SUGCT: variants seen among roughly 807,000 people sequenced by gnomAD.
The protein encoded by SUGCT is succinyl-CoA:glutarate CoA-transferase.
Under a neutral mutation model 55.0 loss-of-function variants are expected in SUGCT, and 41 were observed. The ratio of observed to expected loss-of-function variants is 0.74; its 90% CI spans 0.58 to 0.97. The LOEUF is 0.97. Ranked by LOEUF, SUGCT falls within the 50% of genes least tolerant of loss-of-function variation. The probability of loss-of-function intolerance (pLI) is 0.00; values close to 1 mark genes in which losing one functional copy is unlikely to be tolerated. For synonymous variants in SUGCT, 187 were observed against 200.4 expected (o/e 0.93, Z 0.56); for missense variants, 568 against 547.8 (o/e 1.04, Z -0.37).
chr7:40,805,942 CAGTG>C (rs1242833136), intron 13 of SUGCT, among the ~76,000 whole-genome samples: 5 of 152,144 alleles, frequency 3.3e-5, no homozygotes, highest in Non-Finnish European at 7.3e-5. Context: ...GAATATGAAA[CAGTG>C]AGGAGGAAAG....
chr7:40,660,800 C>T (rs1052024510), intron 12 of SUGCT, among the ~76,000 whole-genome samples: 1 of 152,208 alleles, frequency 6.6e-6, no homozygotes, highest in African/African-American at 2.4e-5. Context: ...TTCTGCCTTT[C>T]CAAGAACTCT....
chr7:40,843,278 G>A (rs1045932077), intron 13 of SUGCT, among the ~76,000 whole-genome samples: 2 of 152,076 alleles, frequency 1.3e-5, no homozygotes, highest in Admixed American at 1.3e-4. Flanking sequence ...TTGGGAGGCC[G>A]AGGCGGGCAG....
At chr7:40,329,082 C>T (rs918720335) in intron 9 of SUGCT, among the ~76,000 whole-genome samples, 9 of 152,158 alleles carry the variant, frequency 5.9e-5, no homozygotes, top group African/African-American at 2.2e-4. Context: ...TGTTTTGTTC[C>T]TAGGGGTGTC....
chr7:40,442,479 G>GT (rs1222974022), intron 9 of SUGCT, among the ~76,000 whole-genome samples: 9 of 151,008 alleles, frequency 6.0e-5, no homozygotes, highest in South Asian at 2.1e-4. Flanking sequence ...ATATCATGCA[G>GT]TTTTTTTTTC....
the SUGCT span, among the ~76,000 whole-genome samples, chr7:40,894,662 C>G: frequency 6.6e-6 from 1 of 152,186 alleles, no homozygotes; most frequent in African/African-American, 2.4e-5. Flanking sequence ...CATGAACAGA[C>G]ACTTTTCAAA....
chr7:40,375,227 G>A (rs1784485543), intron 9 of SUGCT, among the ~76,000 whole-genome samples: 3 of 152,158 alleles, frequency 2.0e-5, no homozygotes, highest in Admixed American at 2.0e-4. Context: ...ACTTTTGAGG[G>A]TCAGTGGGAG....
chr7:40,668,995 G>A (rs905417029), intron 12 of SUGCT, among the ~76,000 whole-genome samples: 8 of 152,152 alleles, frequency 5.3e-5, no homozygotes, highest in African/African-American at 1.7e-4. Context: ...CTGCCAGGCT[G>A]AGACCACATA....
chr7:40,550,098 T>TG (rs1412209274), intron 12 of SUGCT, among the ~76,000 whole-genome samples: 8 of 152,220 alleles, frequency 5.3e-5, no homozygotes, highest in Non-Finnish European at 1.2e-4. Context: ...AATCATCAGT[T>TG]GCTGTCTATG....
intron 12 of SUGCT, among the ~76,000 whole-genome samples, chr7:40,534,987 T>C (rs1315489250): frequency 3.3e-5 from 5 of 152,108 alleles, no homozygotes; most frequent in Admixed American, 2.0e-4. Context: ...GTTTGGTGAG[T>C]GACTCTTCTC....
chr7:40,187,574 G>A (rs1379395134), intron 3 of SUGCT, among the ~76,000 whole-genome samples: 1 of 152,186 alleles, frequency 6.6e-6, no homozygotes, highest in African/African-American at 2.4e-5. Flanking sequence ...AGTTAGATCA[G>A]GAAAGCCTGT....
the SUGCT span, among the ~76,000 whole-genome samples, chr7:41,022,050 G>T: frequency 6.6e-6 from 1 of 152,000 alleles, no homozygotes; most frequent in Non-Finnish European, 1.5e-5. Context: ...AAAGATAATG[G>T]CAGAGAATTT....
intron 1 of SUGCT, among the ~76,000 whole-genome samples, chr7:40,169,225 A>G (rs1382802734): frequency 1.3e-5 from 2 of 152,176 alleles, no homozygotes; most frequent in African/African-American, 4.8e-5. Context: ...GCTTTCAGGC[A>G]TAATTAGAAA....
At chr7:40,993,862 T>C in the SUGCT span, among the ~76,000 whole-genome samples, 1 of 152,192 alleles carries the variant, frequency 6.6e-6, no homozygotes, top group African/African-American at 2.4e-5. Context: ...ACAAGTTTTC[T>C]AGTAATCCTA....
chr7:40,227,835 A>G lies in SUGCT; in HGVS notation c.485-9800A>G, dbSNP rs184993724. Among the ~76,000 whole-genome samples the G allele has an allele frequency of 9.9e-5, 15 of 151,486 alleles. No individual in the cohort carries two copies. In the Middle Eastern group the frequency reaches 0.01, roughly 104 times the overall value. The stretch of plus-strand genomic sequence containing the variant: ...TTATCACACATAAGTAAAAATAATC[A>G]TAATTCCTTTATTTTATTTATTTGT... On this transcript the variant is annotated intron_variant, in intron 6 of 13. Coordinates refer to ENST00000335693, the MANE Select transcript of SUGCT (RefSeq NM_001193313.2).
In SUGCT at chr7:40,245,843, C is replaced by T. The variant is rs141692597; in HGVS notation, c.576+8117C>T. Among the ~76,000 whole-genome samples, 632 of 151,640 alleles carry T rather than the reference C, an allele frequency of 4.2e-3. 6 individuals carry two copies. Among genetic ancestry groups the T allele is most frequent in the African/African-American group, 0.015 (609 of 41,346 alleles). ...GGTATCCATCACCTCAAGCATTTAT[C>T]ATTTCTTTGCATTACAAACATTACA... On this transcript the variant is annotated intron_variant, in intron 7 of 13. Transcript: ENST00000335693.
intron 12 of SUGCT, among the ~76,000 whole-genome samples, chr7:40,512,249 A>T (rs1562828292): frequency 6.6e-6 from 1 of 152,186 alleles, no homozygotes; most frequent in African/African-American, 2.4e-5. Context: ...ACTTGTTCTA[A>T]GACCTTCTAT....
the SUGCT span, among the ~76,000 whole-genome samples, chr7:40,983,758 T>C: frequency 2.6e-5 from 4 of 152,318 alleles, no homozygotes; most frequent in South Asian, 4.1e-4. Flanking sequence ...ATGGTTTTAA[T>C]TGAGAAAGCG....
chr7:40,416,726 G>C (rs1787022975), intron 9 of SUGCT, among the ~76,000 whole-genome samples: 1 of 151,880 alleles, frequency 6.6e-6, no homozygotes, highest in Non-Finnish European at 1.5e-5. Context: ...GTTGGACTGT[G>C]ATTTTCTGTT....
intron 12 of SUGCT, among the ~76,000 whole-genome samples, chr7:40,553,467 C>T (rs939488692): frequency 2.0e-5 from 3 of 152,082 alleles, no homozygotes; most frequent in Non-Finnish European, 4.4e-5. Context: ...TTTTCTCTAT[C>T]GAGATAATTT....
Sources: allele counts gnomAD v4.1 joint callset (sites outside exome capture counted in the v4.1 genomes callset), GRCh38; gene constraint gnomAD v4.1.1; transcripts MANE v1.5; gene names NCBI Gene and HGNC (gene_info 2026-07-23, HGNC 2026-07-21).